Variants in RYR1 observed in about 807,000 individuals in gnomAD.
RYR1 encodes the protein ryanodine receptor 1.
In RYR1, 342 loss-of-function variants were observed where a neutral mutation model predicts 583.5. The ratio of observed to expected loss-of-function variants is 0.59; its 90% CI spans 0.54 to 0.64. The LOEUF is 0.64. RYR1 is among the 30% of genes least tolerant of loss of function. The pLI, the probability that RYR1 is intolerant of heterozygous loss-of-function variation, is 0.00. For missense variants in RYR1, 6,032 were observed against 6,917.2 expected (o/e 0.87, Z 4.54); for synonymous variants, 2,791 against 2,822.5 (o/e 0.99, Z 0.35).
At chr19:38,464,461 C>T (rs192507454) in intron 22 of RYR1, among the ~76,000 whole-genome samples, 178 bp from the exon 23 acceptor site, 61 of 152,048 alleles carry the variant, frequency 4.0e-4, no homozygotes, top group Non-Finnish European at 6.0e-4. Context: ...ACAGACAAGG[C>T]GCAGGGAAAG....
chr19:38,583,486 A>G (rs979019970), intron 101 of RYR1, among the ~76,000 whole-genome samples: 6 of 151,460 alleles, frequency 4.0e-5, no homozygotes, highest in African/African-American at 1.5e-4. Context: ...TCAAAAAAAA[A>G]AAAAAACATA....
chr19:38,568,815 G>T (rs1381968147), intron 93 of RYR1, among the ~76,000 whole-genome samples: 3 of 152,004 alleles, frequency 2.0e-5, no homozygotes, highest in African/African-American at 7.2e-5. Context: ...AGGTGGTTCC[G>T]TCAGAATTTG....
chr19:38,505,723 G>A (rs1970413354), intron 53 of RYR1, 83 bp from the exon 54 acceptor site: 1 of 1,562,604 alleles, frequency 6.4e-7, no homozygotes, highest in South Asian at 1.1e-5. Flanking sequence ...TAGCCACATG[G>A]TCAGGGTTTT....
At chr19:38,575,057 A>C (rs76855655) in intron 96 of RYR1, among the ~76,000 whole-genome samples, 6 of 146,768 alleles carry the variant, frequency 4.1e-5, no homozygotes, top group South Asian at 2.2e-4. Context: ...AAAAAAAAAA[A>C]CTCGTTGGCC....
At chr19:38,464,871 C>T (rs1016817831) in intron 23 of RYR1, 149 bp downstream of exon 23, 6 of 683,654 alleles carry the variant, frequency 8.8e-6, no homozygotes, top group East Asian at 8.5e-5. Context: ...AGGGTCAGGG[C>T]TCTGGGGTCA....
chr19:38,575,216 C>T (rs1248995495), intron 96 of RYR1, among the ~76,000 whole-genome samples: 8 of 152,192 alleles, frequency 5.3e-5, no homozygotes, highest in Admixed American at 5.2e-4. Context: ...TTTTGGACTC[C>T]TCCCCACCCA....
At chr19:38,564,931 C>T in intron 90 of RYR1, 28 bp from the exon 91 acceptor site, 1 of 1,559,106 alleles carries the variant, frequency 6.4e-7, no homozygotes, top group South Asian at 1.2e-5. Flanking sequence ...TGACGGCGCC[C>T]TATCCTGTCT....
Position 38,512,138 on chromosome 19 carries a change from G to A in RYR1, c.9233+6G>A. 6.2e-7 allele frequency: 1 copy of A among 1,614,158 alleles called. No homozygotes were observed. ...GCCCGCTCCCTGGATGCCAGGTAGG[G>A]CCATAGGCAGTGGCGCCCACTCCCA... On this transcript the variant is annotated splice_donor_region_variant and intron_variant, in intron 62 of 105. Transcript: ENST00000359596. This position sits in a 1 kb window ranked among gnomAD's most constrained non-coding sequence, Gnocchi z 5.1.
chr19:38,529,787 G>A (rs1355496959), intron 76 of RYR1, among the ~76,000 whole-genome samples: 2 of 152,092 alleles, frequency 1.3e-5, no homozygotes, highest in East Asian at 1.9e-4. Context: ...TGCAGATGGC[G>A]CAGCTGCTGC....
intron 78 of RYR1, among the ~76,000 whole-genome samples, chr19:38,533,803 C>A (rs186536693): frequency 6.7e-6 from 1 of 150,354 alleles, no homozygotes; most frequent in Non-Finnish European, 1.5e-5. Flanking sequence ...AAAAAAAGAT[C>A]TAGCAGTAGA....
At chr19:38,445,576 A>C (rs1972902110) in intron 7 of RYR1, among the ~76,000 whole-genome samples, 1 of 152,144 alleles carries the variant, frequency 6.6e-6, no homozygotes, top group South Asian at 2.1e-4. Flanking sequence ...ACTCAGACTC[A>C]TCAACTTCTA....
intron 84 of RYR1, among the ~76,000 whole-genome samples, chr19:38,542,212 G>T (rs542119349): frequency 1.3e-5 from 2 of 151,616 alleles, no homozygotes; most frequent in African/African-American, 4.8e-5. Flanking sequence ...TCTTAATCTC[G>T]TGAGGATGTA....
rs370490388 is a variant in RYR1 at position 38,460,481 on chromosome 19, G to C, written c.2467G>C (p.Glu823Gln). ...AVLPRERLHL[E>Q]PIKEYRREGP... ...GCTCCCTCGAGAGCGACTCCATCTT[G>C]AACCCATCAAGGAGTATCGACGGGA... The change falls in exon 20 of 106, where the codon GAA becomes CAA. Residue 823 changes from glutamate (E) to glutamine (Q), a missense_variant. By Grantham distance (29) the Glu-to-Gln change is conservative. Coordinates refer to ENST00000359596, the MANE Select transcript of RYR1 (RefSeq NM_000540.3). 44 of 1,614,074 alleles carry C rather than the reference G, an allele frequency of 2.7e-5. No homozygotes were observed. Among genetic ancestry groups the C allele is most frequent in the Non-Finnish European group, 3.6e-5 (42 of 1,180,038 alleles).
Position 38,573,242 on chromosome 19 carries a change from C to T in RYR1, c.14064C>T (p.Tyr4688=), listed in dbSNP as rs1342821735. 1 of 1,613,996 alleles carries T rather than the reference C, an allele frequency of 6.2e-7. No individual in the cohort carries two copies. ...LARKLEFDGL[Y]ITEQPEDDDV... ...GGAAGCTGGAGTTTGATGGCCTGTA[C>T]ATCACGGAGCAGCCTGAGGACGATG... is the stretch of plus-strand genomic sequence containing the variant. Residue 4688 remains tyrosine, a synonymous_variant, in exon 96 of 106, where the codon TAC becomes TAT. Transcript: ENST00000359596.
intron 65 of RYR1, among the ~76,000 whole-genome samples, chr19:38,516,864 G>A (rs911834892): frequency 2.6e-5 from 4 of 152,136 alleles, no homozygotes; most frequent in Non-Finnish European, 5.9e-5. Flanking sequence ...GGACCTGGGG[G>A]AAATATACGC....
In RYR1 at chr19:38,500,516, C is replaced by T; in HGVS notation, c.7324-90C>T. On this transcript the variant is annotated intron_variant, in intron 45 of 105. Transcript: ENST00000359596. The surrounding 1 kb of genome is among the most constrained non-coding windows in gnomAD (Gnocchi z 5.9). Reference sequence around the variant, plus strand: ...CTCCTGAGAAAGAGGCCTGCTCTACCCTCCTGTGTGGTAAGGGAGGGAGCA... The same window carrying T: ...CTCCTGAGAAAGAGGCCTGCTCTACTCTCCTGTGTGGTAAGGGAGGGAGCA... 1.3e-6 allele frequency: 2 copies of T among 1,574,330 alleles called. No individual in the cohort carries two copies. Among genetic ancestry groups the T allele is most frequent in the Non-Finnish European group, 1.7e-6 (2 of 1,149,530 alleles).
chr19:38,489,447 G>C lies in RYR1; in HGVS notation c.5814+4G>C. 2 of 1,613,938 alleles carry C rather than the reference G, an allele frequency of 1.2e-6. No individual in the cohort carries two copies. The highest frequency in any genetic ancestry group is 1.7e-6 in the Non-Finnish European group (2 of 1,179,858). On this transcript the variant is annotated splice_donor_region_variant and intron_variant, in intron 35 of 105. Transcript: ENST00000359596. ...GCCAGAGTCTGTGAAGTTACAGGTG[G>C]GCTGCTGCTTCCTGCTTTTCGGCCT...
At chr19:38,577,633 C>T (rs1974016035) in intron 97 of RYR1, among the ~76,000 whole-genome samples, 2 of 152,008 alleles carry the variant, frequency 1.3e-5, no homozygotes, top group South Asian at 4.1e-4. Flanking sequence ...CCCGTCCCTA[C>T]TAAAAATACA....
chr19:38,466,930 C>T (rs555619709), intron 24 of RYR1, among the ~76,000 whole-genome samples: 1 of 152,276 alleles, frequency 6.6e-6, no homozygotes, highest in Admixed American at 6.5e-5. Context: ...CTTTACCTGA[C>T]GCCAGCCCTG....
Sources: gnomAD v4.1 joint callset for allele counts (sites outside exome capture counted in the v4.1 genomes callset) on GRCh38, gnomAD v4.1.1 for gene constraint, Gnocchi (gnomAD v3.1) non-coding constraint, MANE v1.5 for transcripts, NCBI Gene and HGNC (gene_info 2026-07-23, HGNC 2026-07-21) for gene names.